ZDHHC14: variants seen among roughly 807,000 people sequenced by gnomAD.
ZDHHC14 encodes the protein zDHHC palmitoyltransferase 14.
A neutral mutation model predicts 47.7 loss-of-function variants in ZDHHC14; 16 were observed. That is an observed-to-expected ratio of 0.34 (90% confidence interval 0.23 to 0.51). The LOEUF (loss-of-function observed/expected upper bound fraction) is 0.51. Ranked by LOEUF, ZDHHC14 falls within the 20% of genes least tolerant of loss-of-function variation. The pLI is 0.97. For missense variants in ZDHHC14, 515 were observed against 662.5 expected (o/e 0.78, Z 2.44); for synonymous variants, 293 against 278.9 (o/e 1.05, Z -0.50).
At chr6:157,518,393 T>C (rs951505341) in intron 1 of ZDHHC14, among the ~76,000 whole-genome samples, 1 of 32,814 alleles carries the variant, frequency 3.0e-5, no homozygotes, top group East Asian at 9.9e-4. Flanking sequence ...AGGGAAGGGG[T>C]GGGGGGAGGG....
At chr6:157,485,984 C>T (rs1348610064) in intron 1 of ZDHHC14, among the ~76,000 whole-genome samples, 1 of 152,192 alleles carries the variant, frequency 6.6e-6, no homozygotes, top group African/African-American at 2.4e-5. Flanking sequence ...CTGCACTCCA[C>T]CCTGGGTGAC....
chr6:157,632,561 A>G (rs139025041), intron 4 of ZDHHC14: 9,305 of 504,768 alleles, frequency 0.018, 599 homozygotes, highest in African/African-American at 0.15. Flanking sequence ...GAGTCATCAG[A>G]ACTATAATTT....
chr6:157,566,086 A>T (rs1328895581), intron 2 of ZDHHC14, among the ~76,000 whole-genome samples: 1 of 152,212 alleles, frequency 6.6e-6, no homozygotes, highest in Non-Finnish European at 1.5e-5. Flanking sequence ...CACTTTTCTT[A>T]GAGATAAATG....
chr6:157,539,193 C>G (rs573021287), intron 1 of ZDHHC14, among the ~76,000 whole-genome samples: 4 of 151,860 alleles, frequency 2.6e-5, no homozygotes, highest in South Asian at 2.1e-4. Flanking sequence ...GAGGATTACT[C>G]GAGCCCAGGA....
chr6:157,644,502 T>C (rs905654702), intron 5 of ZDHHC14, among the ~76,000 whole-genome samples: 3 of 152,236 alleles, frequency 2.0e-5, no homozygotes, highest in African/African-American at 7.2e-5. Flanking sequence ...TTTAGTGCGA[T>C]GTTGAAAGTC....
At chr6:157,662,184 A>C (rs1465470111) in intron 8 of ZDHHC14, among the ~76,000 whole-genome samples, 2 of 148,314 alleles carry the variant, frequency 1.3e-5, no homozygotes, top group Non-Finnish European at 3.0e-5. Flanking sequence ...CCTTTATTTT[A>C]TTTTATTATT....
chr6:157,395,389 T>C (rs1488620240), intron 1 of ZDHHC14, among the ~76,000 whole-genome samples: 1 of 151,118 alleles, frequency 6.6e-6, no homozygotes, highest in Non-Finnish European at 1.5e-5. Context: ...TGGTCTCGAA[T>C]TCCTGAGCTC....
intron 7 of ZDHHC14, among the ~76,000 whole-genome samples, chr6:157,653,117 T>C (rs1777917182): frequency 6.6e-6 from 1 of 152,176 alleles, no homozygotes; most frequent in South Asian, 2.1e-4. Flanking sequence ...TCCCACACGC[T>C]ACACTGGCAC....
chr6:157,544,123 C>T (rs187147975), intron 2 of ZDHHC14, among the ~76,000 whole-genome samples: 46 of 152,352 alleles, frequency 3.0e-4, no homozygotes, highest in African/African-American at 1.0e-3. Context: ...TTCTTTCCAG[C>T]TCCTCATATC....
intron 1 of ZDHHC14, among the ~76,000 whole-genome samples, chr6:157,517,436 G>A (rs1240071808): frequency 6.6e-6 from 1 of 151,720 alleles, no homozygotes; most frequent in South Asian, 2.1e-4. Flanking sequence ...TCAGCCTCCC[G>A]AGTAGCTGGG....
Position 157,469,450 on chromosome 6 carries a change from G to A in ZDHHC14, c.246-73135G>A, listed in dbSNP as rs186259345. On this transcript the variant is annotated intron_variant, in intron 1 of 8. Coordinates refer to ENST00000359775, the MANE Select transcript of ZDHHC14 (RefSeq NM_024630.3). ...CTGCCTATATGTAGGGGAATCTTAC[G>A]CAATAATCATTTTGGAAGTTGAAAG... 3.0e-4 allele frequency among the ~76,000 whole-genome samples: 46 copies of A among 152,282 alleles called. 1 individual carries two copies. Among genetic ancestry groups the A allele is most frequent in the Admixed American group, 2.8e-3 (43 of 15,296 alleles).
At chr6:157,541,985 T>A (rs2135206) in intron 1 of ZDHHC14, among the ~76,000 whole-genome samples, 60,365 of 152,086 alleles carry the variant, frequency 0.4, 12,159 homozygotes, top group Admixed American at 0.45. Flanking sequence ...CCCTTAAATC[T>A]TCTTCCGAAA....
At chr6:157,455,331 G>C (rs1005223438) in intron 1 of ZDHHC14, among the ~76,000 whole-genome samples, 1 of 152,238 alleles carries the variant, frequency 6.6e-6, no homozygotes, top group African/African-American at 2.4e-5. Flanking sequence ...CCATGCCTTA[G>C]AGGCAAAGCA....
At chr6:157,412,266 A>G (rs192089725) in intron 1 of ZDHHC14, among the ~76,000 whole-genome samples, 123 of 148,736 alleles carry the variant, frequency 8.3e-4, no homozygotes, top group South Asian at 7.1e-3. Context: ...ATTAATAGCT[A>G]GTAATAGAAT....
At chr6:157,418,059 G>A (rs1347106965) in intron 1 of ZDHHC14, among the ~76,000 whole-genome samples, 1 of 152,050 alleles carries the variant, frequency 6.6e-6, no homozygotes, top group Non-Finnish European at 1.5e-5. Flanking sequence ...TTCCTCCTCT[G>A]CACTTACCCC....
intron 1 of ZDHHC14, among the ~76,000 whole-genome samples, chr6:157,530,753 GA>G (rs1242804036): frequency 6.6e-6 from 1 of 151,902 alleles, no homozygotes; most frequent in African/African-American, 2.4e-5. Flanking sequence ...TCTGCTATTG[GA>G]AACAACATTG....
At chr6:157,602,361 G>A (rs1485306196) in intron 3 of ZDHHC14, among the ~76,000 whole-genome samples, 1 of 150,226 alleles carries the variant, frequency 6.7e-6, no homozygotes, top group Non-Finnish European at 1.5e-5. Context: ...CCAAAAATTA[G>A]CACCTGTAAT....
chr6:157,467,748 C>A (rs1235636254), intron 1 of ZDHHC14, among the ~76,000 whole-genome samples: 1 of 151,962 alleles, frequency 6.6e-6, no homozygotes, highest in East Asian at 1.9e-4. Context: ...TGGTGTTTCA[C>A]CATTTTGGCC....
At chr6:157,501,541 G>A (rs569483628) in intron 1 of ZDHHC14, among the ~76,000 whole-genome samples, 1 of 152,234 alleles carries the variant, frequency 6.6e-6, no homozygotes, top group Non-Finnish European at 1.5e-5. Context: ...ACATTAAAAT[G>A]ATGTCAGCTC....
Sources: allele counts gnomAD v4.1 joint callset (sites outside exome capture counted in the v4.1 genomes callset), GRCh38; gene constraint gnomAD v4.1.1; transcripts MANE v1.5; gene names NCBI Gene and HGNC (gene_info 2026-07-23, HGNC 2026-07-21).